Variants in CFAP54 observed in about 807,000 individuals in gnomAD.
CFAP54 encodes cilia- and flagella-associated protein 54.
CFAP54 carries 290 observed loss-of-function variants against 370.4 expected under a neutral mutation model. The ratio of observed to expected loss-of-function variants is 0.78; its 90% CI spans 0.71 to 0.86. The LOEUF (loss-of-function observed/expected upper bound fraction) is 0.86, where lower values mean the gene tolerates loss of function less well. Ranked by LOEUF, CFAP54 falls within the 40% of genes least tolerant of loss-of-function variation. The pLI, the probability that CFAP54 is intolerant of heterozygous loss-of-function variation, is 0.00. For missense variants in CFAP54, 3,399 were observed against 3,528.7 expected, an observed-to-expected ratio of 0.96 and a Z score of 0.93; for synonymous variants, 1,206 against 1,236.5, an observed-to-expected ratio of 0.98 and a Z score of 0.52.
intron 66 of CFAP54, among the ~76,000 whole-genome samples, chr12:96,838,075 A>T (rs1222405377): frequency 1.3e-5 from 2 of 152,224 alleles, no homozygotes; most frequent in Non-Finnish European, 2.9e-5. Context: ...TTGGAAAATG[A>T]TTGGAAAGTA....
intron 61 of CFAP54, among the ~76,000 whole-genome samples, chr12:96,785,745 A>G (rs889940293): frequency 6.6e-6 from 1 of 152,164 alleles, no homozygotes; most frequent in African/African-American, 2.4e-5. Context: ...CACAAGTGCC[A>G]TGTCTTACTG....
chr12:96,582,043 G>T (rs992786272), intron 22 of CFAP54, among the ~76,000 whole-genome samples: 1 of 152,110 alleles, frequency 6.6e-6, no homozygotes, highest in Non-Finnish European at 1.5e-5. Context: ...GAGGCAGAGA[G>T]ACCTGAGTTC....
chr12:96,729,764 C>G (rs1298802450), intron 50 of CFAP54, among the ~76,000 whole-genome samples: 2 of 152,214 alleles, frequency 1.3e-5, no homozygotes, highest in Non-Finnish European at 2.9e-5. Context: ...ATGCAGAAAT[C>G]ACCCGTCTTC....
intron 66 of CFAP54, among the ~76,000 whole-genome samples, chr12:96,832,562 A>G (rs1050054366): frequency 2.6e-5 from 4 of 152,132 alleles, no homozygotes; most frequent in Non-Finnish European, 5.9e-5. Flanking sequence ...TTGTTTAGGA[A>G]ATATTAGCTA....
chr12:96,866,292 G>C (rs537180612), intron 67 of CFAP54, among the ~76,000 whole-genome samples: 166 of 152,164 alleles, frequency 1.1e-3, no homozygotes, highest in African/African-American at 3.7e-3. Flanking sequence ...AGGTTTCAGT[G>C]ACAGCAGTTT....
chr12:96,586,342 A>G (rs1176976365), intron 22 of CFAP54, among the ~76,000 whole-genome samples: 1 of 152,212 alleles, frequency 6.6e-6, no homozygotes, highest in Non-Finnish European at 1.5e-5. Context: ...GATAGGTAAT[A>G]AACAATGACC....
At chr12:96,574,777 TG>T (rs1955958691) in intron 19 of CFAP54, among the ~76,000 whole-genome samples, 1 of 152,160 alleles carries the variant, frequency 6.6e-6, no homozygotes, top group African/African-American at 2.4e-5. Flanking sequence ...TAGTATTTTA[TG>T]TATTTTATTT....
At chr12:96,697,187 G>A (rs566065094) in intron 45 of CFAP54, among the ~76,000 whole-genome samples, 6 of 152,298 alleles carry the variant, frequency 3.9e-5, no homozygotes, top group Admixed American at 2.0e-4. Flanking sequence ...GGTCACCTCT[G>A]AAAATATATG....
intron 60 of CFAP54, among the ~76,000 whole-genome samples, chr12:96,775,052 GCTGAACCTA>G (rs1958502375): frequency 2.0e-5 from 3 of 152,138 alleles, no homozygotes; most frequent in Admixed American, 2.0e-4. Context: ...TATGGTCTCT[GCTGAACCTA>G]CTCAACTTGC....
intron 67 of CFAP54, among the ~76,000 whole-genome samples, chr12:96,868,175 C>T (rs1960054786): frequency 6.6e-6 from 1 of 152,050 alleles, no homozygotes; most frequent in African/African-American, 2.4e-5. Context: ...GCTCTTATCA[C>T]ACTCATTCTA....
intron 67 of CFAP54, among the ~76,000 whole-genome samples, chr12:96,871,323 C>G (rs1332959642): frequency 2.0e-5 from 3 of 152,140 alleles, no homozygotes; most frequent in Non-Finnish European, 2.9e-5. Context: ...TTCATTAAAA[C>G]CCTAGGAGGG....
At chr12:96,643,725 T>C (rs1169922320) in intron 32 of CFAP54, among the ~76,000 whole-genome samples, 2 of 152,228 alleles carry the variant, frequency 1.3e-5, no homozygotes, top group Non-Finnish European at 2.9e-5. Flanking sequence ...ATTCAACTGA[T>C]GTTTTATTTC....
chr12:96,520,713 A>G (rs1362536423), intron 6 of CFAP54, among the ~76,000 whole-genome samples: 2 of 152,322 alleles, frequency 1.3e-5, no homozygotes, highest in Non-Finnish European at 2.9e-5. Context: ...ACAAGGGTGC[A>G]TGGTTTGGTA....
intron 66 of CFAP54, among the ~76,000 whole-genome samples, chr12:96,853,507 T>C (rs1959612067): frequency 6.6e-6 from 1 of 152,226 alleles, no homozygotes; most frequent in Admixed American, 6.5e-5. Context: ...TTATGACTTC[T>C]CCTTTTCTGT....
intron 60 of CFAP54, 67 bp downstream of exon 60, chr12:96,765,285 G>C (rs375985105): frequency 1.5e-6 from 2 of 1,309,622 alleles, no homozygotes; most frequent in Non-Finnish European, 2.0e-6. Flanking sequence ...AAGTTTCAAA[G>C]ATTTAATTGT....
chr12:96,510,919 CACCACTGTACTCCAGCCTG>C (rs1955158322), intron 4 of CFAP54, among the ~76,000 whole-genome samples: 1 of 147,690 alleles, frequency 6.8e-6, no homozygotes, highest in Non-Finnish European at 1.5e-5. Flanking sequence ...GCTGAGATTG[CACCACTGTACTCCAGCCTG>C]GGTGACAGAG....
chr12:96,526,781 AG>A (rs527983704), intron 8 of CFAP54, among the ~76,000 whole-genome samples: 180 of 152,000 alleles, frequency 1.2e-3, no homozygotes, highest in African/African-American at 4.1e-3. Flanking sequence ...TGAAATCTGG[AG>A]TGACATCTCA....
rs1379132512 is a variant in CFAP54 at position 96,580,619 on chromosome 12, G to A, written c.2819G>A (p.Gly940Asp). Residue 940 changes from glycine to aspartate, a missense_variant, in exon 21 of 68, where the codon GGT becomes GAT. Coordinates refer to ENST00000524981, the MANE Select transcript of CFAP54 (RefSeq NM_001306084.2). The part of the protein sequence containing the change: ...EVKVSWYCIL[G>D]CKAEGSYGKV... ...CAGGTCTCCTGGTACTGCATTTTGG[G>A]TTGCAAAGCAGAAGGAAGTTATGGA... 7 of 1,523,332 alleles carry A rather than the reference G, an allele frequency of 4.6e-6. No homozygotes were observed. The East Asian group carries it at 1.5e-4, about 32-fold the overall frequency. The allele number at this position is 1,523,332 out of a possible 1,614,324, so 94.4% of individuals were successfully genotyped here.
chr12:96,752,893 C>A (rs1958204893), intron 55 of CFAP54, among the ~76,000 whole-genome samples: 1 of 152,198 alleles, frequency 6.6e-6, no homozygotes, highest in Non-Finnish European at 1.5e-5. Context: ...TGTTTACCAG[C>A]CATCTAACCT....
Sources: allele counts gnomAD v4.1 joint callset (sites outside exome capture counted in the v4.1 genomes callset), GRCh38; gene constraint gnomAD v4.1.1; transcripts MANE v1.5; gene names NCBI Gene and HGNC (gene_info 2026-07-23, HGNC 2026-07-21).